CLUAP1: variants seen among roughly 807,000 people sequenced by gnomAD.
The protein encoded by CLUAP1 is clusterin-associated protein 1.
Under a neutral mutation model 55.0 loss-of-function variants are expected in CLUAP1, and 50 were observed. The ratio of observed to expected loss-of-function variants is 0.91; its 90% CI spans 0.72 to 1.15. CLUAP1 has a LOEUF of 1.15. Ranked by LOEUF, CLUAP1 falls within the 50% of genes most tolerant of loss-of-function variation. CLUAP1 has a pLI of 0.00. For missense variants in CLUAP1, 530 were observed against 507.6 expected (o/e 1.04, Z -0.42); for synonymous variants, 195 against 175.4 (o/e 1.11, Z -0.88).
chr16:3,497,241 C>G (rs1038290377), upstream of CLUAP1, among the ~76,000 whole-genome samples: 1 of 151,698 alleles, frequency 6.6e-6, no homozygotes, highest in Admixed American at 6.6e-5. Context: ...CCTAGTAGAG[C>G]TTTTTCAGAG....
intron 4 of CLUAP1, among the ~76,000 whole-genome samples, chr16:3,509,305 A>T (rs944482096): frequency 2.0e-5 from 3 of 152,162 alleles, no homozygotes; most frequent in Admixed American, 6.5e-5. Context: ...AGGCCGTGTG[A>T]TGAGGGTTGG....
At position 3,504,307 on chromosome 16, in the gene CLUAP1, C is replaced by A. The variant is rs528392154; in HGVS notation, c.23-413C>A. 2.6e-5 allele frequency among the ~76,000 whole-genome samples: 4 copies of A among 152,342 alleles called. No individual in the cohort carries two copies. The East Asian group carries it at 7.7e-4, about 29-fold the overall frequency. ...TACGGATTCCCCTCAGAAATAACCACTGTTAACATTTTAAAACACTTTTTA... is the reference window on the plus strand; with the variant it reads ...TACGGATTCCCCTCAGAAATAACCAATGTTAACATTTTAAAACACTTTTTA... On this transcript the variant is annotated intron_variant, in intron 1 of 11. Coordinates refer to ENST00000576634, the MANE Select transcript of CLUAP1 (RefSeq NM_015041.3).
upstream of CLUAP1, chr16:3,496,262 A>C: frequency 1.4e-6 from 1 of 709,906 alleles, no homozygotes. Flanking sequence ...CCCAAGAGCC[A>C]GGATATCTAA....
chr16:3,508,792 G>T (rs1194571467), intron 4 of CLUAP1, among the ~76,000 whole-genome samples: 1 of 151,532 alleles, frequency 6.6e-6, no homozygotes, highest in East Asian at 1.9e-4. Context: ...CAGATGCAGT[G>T]CAGGCTGTGG....
chr16:3,536,133 G>A lies in CLUAP1; in HGVS notation c.1104G>A (p.Glu368=), dbSNP rs754518513. The A allele has an allele frequency of 3.1e-6, 5 of 1,614,144 alleles. No individual in the cohort carries two copies. The highest frequency in any genetic ancestry group is 3.4e-6 in the Non-Finnish European group (4 of 1,180,022). ...TTTTTTTCCTATAGGAGGACTCGGA[G>A]GAGAGTGAAATTGACATGGAAGATG... ...GGDSDDNEDS[E]ESEIDMEDDD... Residue 368 remains glutamate, a synonymous_variant, in exon 12 of 12, where the codon GAG becomes GAA. Coordinates refer to ENST00000576634, the MANE Select transcript of CLUAP1 (RefSeq NM_015041.3).
At chr16:3,535,065 G>C (rs2038203620) in intron 11 of CLUAP1, 1 of 153,106 alleles carries the variant, frequency 6.5e-6, no homozygotes, top group South Asian at 2.1e-4. Context: ...AGGAGGCTGA[G>C]GGGCGTCAGC....
At chr16:3,527,311 G>A (rs2037964116) in intron 9 of CLUAP1, among the ~76,000 whole-genome samples, 2 of 152,028 alleles carry the variant, frequency 1.3e-5, no homozygotes, top group Admixed American at 1.3e-4. Flanking sequence ...TCATAACCTA[G>A]GAAAAAACAG....
At chr16:3,529,375 A>ATG (rs60744501) in intron 9 of CLUAP1, among the ~76,000 whole-genome samples, 6,034 of 107,206 alleles carry the variant, frequency 0.056, 318 homozygotes, top group African/African-American at 0.14. Context: ...CCAGTTTTGT[A>ATG]TGTGTGTGTG....
chr16:3,511,839 C>T (rs1038059370), intron 4 of CLUAP1, among the ~76,000 whole-genome samples: 1 of 152,124 alleles, frequency 6.6e-6, no homozygotes, highest in East Asian at 1.9e-4. Flanking sequence ...GGTCACGTGT[C>T]CCAACCAAAG....
At position 3,535,977 on chromosome 16, in the gene CLUAP1, T is replaced by C. The variant is rs974967851; in HGVS notation, c.1093-145T>C. 32 of 853,888 alleles carry C rather than the reference T, an allele frequency of 3.7e-5. No homozygotes were observed. In the African/African-American group the frequency reaches 5.1e-4, roughly 14 times the overall value. 52.9% of individuals were successfully genotyped at this position (853,888 alleles called of 1,614,324 possible). On this transcript the variant is annotated intron_variant, in intron 11 of 11. Transcript: ENST00000576634. ...GTACATAGCCTCAGTCCCATCTGTATGCCCTCCCACAGCCTGCTTGCCACT... is the reference window on the plus strand; with the variant it reads ...GTACATAGCCTCAGTCCCATCTGTACGCCCTCCCACAGCCTGCTTGCCACT...
intron 3 of CLUAP1, among the ~76,000 whole-genome samples, chr16:3,507,527 T>A (rs1331373999): frequency 1.3e-5 from 2 of 148,584 alleles, no homozygotes; most frequent in African/African-American, 2.5e-5. Context: ...GTCATTGCAC[T>A]CCAGCCCAGG....
upstream of CLUAP1, chr16:3,500,803 A>G (rs937718212): frequency 1.8e-6 from 1 of 547,982 alleles, no homozygotes; most frequent in Admixed American, 3.3e-5. Flanking sequence ...GTGTAAACAG[A>G]CGCCCAGAAG....
In CLUAP1 at chr16:3,519,168, G is replaced by A. The variant is rs533127958; in HGVS notation, c.580-735G>A. Among the ~76,000 whole-genome samples the A allele has an allele frequency of 2.6e-5, 4 of 152,310 alleles. No individual in the cohort carries two copies. In the South Asian group the frequency reaches 8.3e-4, roughly 32 times the overall value. ...CTGCTTCAAATGAACCTTCTCTTAG[G>A]ATAGGGAGACTTGTGTCACCGTCAG... On this transcript the variant is annotated intron_variant, in intron 6 of 11. Transcript: ENST00000576634.
chr16:3,531,680 G>A (rs2038122510), intron 10 of CLUAP1, among the ~76,000 whole-genome samples: 1 of 152,102 alleles, frequency 6.6e-6, no homozygotes, highest in Non-Finnish European at 1.5e-5. Flanking sequence ...TTACCTTTCT[G>A]TACATATACA....
At chr16:3,513,730 A>G (rs1033822958) in intron 5 of CLUAP1, among the ~76,000 whole-genome samples, 3 of 152,206 alleles carry the variant, frequency 2.0e-5, no homozygotes, top group African/African-American at 7.2e-5. Flanking sequence ...GATTACAGGC[A>G]TGAGCCACTG....
At chr16:3,499,649 A>G (rs1279536416), upstream of CLUAP1, among the ~76,000 whole-genome samples, 4 of 152,190 alleles carry the variant, frequency 2.6e-5, no homozygotes, top group Non-Finnish European at 4.4e-5. Flanking sequence ...TTGAGTGTTG[A>G]GAGTTCTTGA....
intron 6 of CLUAP1, among the ~76,000 whole-genome samples, chr16:3,518,819 A>G (rs1204600452): frequency 6.6e-6 from 1 of 152,180 alleles, no homozygotes; most frequent in Non-Finnish European, 1.5e-5. Flanking sequence ...AAAACACACC[A>G]TGCCTGAGAG....
Position 3,532,438 on chromosome 16 carries a change from A to G in CLUAP1, c.1037-348A>G, listed in dbSNP as rs537373355. On this transcript the variant is annotated intron_variant, in intron 10 of 11. Transcript: ENST00000576634. ...TTTTTTTTTTTTTTTTTTTGGAGACAGAATCTCATTCTGTCGTTCACGCTA... is the reference window on the plus strand; with the variant it reads ...TTTTTTTTTTTTTTTTTTTGGAGACGGAATCTCATTCTGTCGTTCACGCTA... 1.4e-4 allele frequency among the ~76,000 whole-genome samples: 15 copies of G among 109,326 alleles called. No individual in the cohort carries two copies. In the South Asian group the frequency reaches 3.6e-3, roughly 26 times the overall value. 71.7% of individuals were successfully genotyped at this position (109,326 alleles called of 152,430 possible).
chr16:3,504,050 G>C (rs1404553333), intron 1 of CLUAP1, among the ~76,000 whole-genome samples: 1 of 152,150 alleles, frequency 6.6e-6, no homozygotes, highest in Non-Finnish European at 1.5e-5. Context: ...CTGCTCTCTT[G>C]AAAGCACTAA....
Sources: gnomAD v4.1 joint callset for allele counts (sites outside exome capture counted in the v4.1 genomes callset) on GRCh38, gnomAD v4.1.1 for gene constraint, MANE v1.5 for transcripts, NCBI Gene and HGNC (gene_info 2026-07-23, HGNC 2026-07-21) for gene names.